Variants in MILR1 observed in about 807,000 individuals in gnomAD.
The protein encoded by MILR1 is allergin-1.
In MILR1, 31 loss-of-function variants were observed where a neutral mutation model predicts 18.5. The observed-to-expected ratio is 1.68, with a 90% CI of 1.26 to 2.26. The LOEUF is 2.26. MILR1 is among the 30% of genes most tolerant of loss of function. The pLI, the probability that MILR1 is intolerant of heterozygous loss-of-function variation, is 0.00. For missense variants in MILR1, 257 were observed against 157.4 expected (o/e 1.63, Z -3.38); for synonymous variants, 85 against 56.2 (o/e 1.51, Z -2.30).
the MILR1 span, among the ~76,000 whole-genome samples, chr17:64,477,632 T>C: frequency 3.3e-5 from 5 of 152,184 alleles, no homozygotes; most frequent in African/African-American, 1.2e-4. Context: ...TAATCCAGTA[T>C]AGTAGATTTT....
At chr17:64,481,998 T>C in the MILR1 span, among the ~76,000 whole-genome samples, 1 of 151,758 alleles carries the variant, frequency 6.6e-6, no homozygotes, top group Non-Finnish European at 1.5e-5. Context: ...TGAATGGGCA[T>C]GAACAGCAAA....
Position 64,466,435 on chromosome 17 carries a change from T to C in MILR1, c.854-7T>C. On this transcript the variant is annotated splice_region_variant and splice_polypyrimidine_tract_variant and intron_variant, in intron 6 of 9. Transcript: ENST00000619286. Reference sequence around the variant, plus strand: ...AACCCCCAATTTATGTCATTCTCATTTTACAGAGGAGGAATCTGTGCCAGA... The same window carrying C: ...AACCCCCAATTTATGTCATTCTCATCTTACAGAGGAGGAATCTGTGCCAGA... 6.2e-7 allele frequency: 1 copy of C among 1,612,914 alleles called. No homozygotes were observed.
At chr17:64,482,916 C>G in the MILR1 span, 1 of 1,501,076 alleles carries the variant, frequency 6.7e-7, no homozygotes, top group African/African-American at 1.4e-5. Context: ...TCATTTAACT[C>G]ACCTGTCTTA....
the MILR1 span, among the ~76,000 whole-genome samples, chr17:64,490,028 G>A: frequency 1.3e-5 from 2 of 151,828 alleles, no homozygotes; most frequent in Non-Finnish European, 2.9e-5. Flanking sequence ...GGGTTCAAGC[G>A]ATTCTCCTGC....
the MILR1 span, among the ~76,000 whole-genome samples, chr17:64,493,761 C>G: frequency 6.6e-6 from 1 of 152,162 alleles, no homozygotes; most frequent in African/African-American, 2.4e-5. Flanking sequence ...GCTGGGATTA[C>G]AGGCGTGAGC....
At chr17:64,461,892 C>T (rs2037440050) in intron 5 of MILR1, among the ~76,000 whole-genome samples, 2 of 152,146 alleles carry the variant, frequency 1.3e-5, no homozygotes, top group African/African-American at 2.4e-5. Flanking sequence ...TATTTCACTT[C>T]GATTAATGTC....
the MILR1 span, chr17:64,493,046 G>C: frequency 1.9e-6 from 3 of 1,613,104 alleles, no homozygotes; most frequent in East Asian, 6.7e-5. Context: ...ATCAATCATT[G>C]TATACATCTA....
At chr17:64,479,556 A>G in the MILR1 span, among the ~76,000 whole-genome samples, 1 of 152,190 alleles carries the variant, frequency 6.6e-6, no homozygotes, top group African/African-American at 2.4e-5. Flanking sequence ...TTTTCACCCA[A>G]AAGATACATA....
At chr17:64,483,151 T>C in the MILR1 span, 1 of 562,870 alleles carries the variant, frequency 1.8e-6, no homozygotes, top group South Asian at 2.3e-5. Flanking sequence ...TTAGCTGAGG[T>C]CATAAAAACA....
At chr17:64,486,578 G>A in the MILR1 span, among the ~76,000 whole-genome samples, 2 of 152,074 alleles carry the variant, frequency 1.3e-5, no homozygotes, top group South Asian at 2.1e-4. Flanking sequence ...TGGCCAGGTT[G>A]TTCTCAAACT....
At chr17:64,451,658 GC>G (rs1343760537) in intron 2 of MILR1, among the ~76,000 whole-genome samples, 8 of 151,988 alleles carry the variant, frequency 5.3e-5, no homozygotes, top group Non-Finnish European at 1.2e-4. Context: ...ATATGGCGGG[GC>G]ACAGTGACTC....
At chr17:64,466,838 G>A (rs1282224233) in intron 8 of MILR1, among the ~76,000 whole-genome samples, 176 bp downstream of exon 8, 1 of 152,120 alleles carries the variant, frequency 6.6e-6, no homozygotes, top group Non-Finnish European at 1.5e-5. Context: ...CTCATCAGGA[G>A]ATGGAGGGTG....
downstream of MILR1, among the ~76,000 whole-genome samples, chr17:64,470,293 C>T (rs1252638835): frequency 6.6e-6 from 1 of 152,066 alleles, no homozygotes; most frequent in Non-Finnish European, 1.5e-5. Flanking sequence ...GAGGTTTCAC[C>T]ATGTTGGCCA....
downstream of MILR1, among the ~76,000 whole-genome samples, chr17:64,470,482 C>A (rs928776532): frequency 6.6e-6 from 1 of 152,166 alleles, no homozygotes; most frequent in African/African-American, 2.4e-5. Flanking sequence ...TAACTTACCA[C>A]AATAATTTAA....
chr17:64,493,766 G>A, the MILR1 span, among the ~76,000 whole-genome samples: 2 of 152,114 alleles, frequency 1.3e-5, no homozygotes, highest in South Asian at 2.1e-4. Context: ...GATTACAGGC[G>A]TGAGCCACCG....
chr17:64,458,040 A>G (rs1462535640), intron 4 of MILR1, among the ~76,000 whole-genome samples: 6 of 152,144 alleles, frequency 3.9e-5, no homozygotes, highest in Non-Finnish European at 8.8e-5. Context: ...TCCAATTTGC[A>G]TCTGTCTTAG....
chr17:64,496,029 C>G, the MILR1 span, among the ~76,000 whole-genome samples: 10 of 152,132 alleles, frequency 6.6e-5, no homozygotes, highest in Admixed American at 2.0e-4. Flanking sequence ...CTATGATATA[C>G]ATGAAATAGT....
At chr17:64,456,398 C>T (rs1441122157) in intron 3 of MILR1, among the ~76,000 whole-genome samples, 2 of 151,848 alleles carry the variant, frequency 1.3e-5, no homozygotes, top group Non-Finnish European at 2.9e-5. Flanking sequence ...TGTAGCAGAC[C>T]CATTTCCTGT....
At chr17:64,470,336 G>A (rs138313605), downstream of MILR1, among the ~76,000 whole-genome samples, 62 of 152,136 alleles carry the variant, frequency 4.1e-4, 1 homozygote, top group African/African-American at 1.5e-3. Context: ...TCAAATGATT[G>A]GCCTGCCTTG....
Sources: gnomAD v4.1 joint callset for allele counts (sites outside exome capture counted in the v4.1 genomes callset) on GRCh38, gnomAD v4.1.1 for gene constraint, MANE v1.5 for transcripts, NCBI Gene and HGNC (gene_info 2026-07-23, HGNC 2026-07-21) for gene names.